Variants in ASXL1 observed in about 807,000 individuals in gnomAD.
The protein encoded by ASXL1 is ASXL transcriptional regulator 1, also known as polycomb group protein ASXL1.
A neutral mutation model predicts 89.1 loss-of-function variants in ASXL1; 65 were observed. That is an observed-to-expected ratio of 0.73 (90% CI 0.60 to 0.90). ASXL1 has a LOEUF of 0.90. ASXL1 is among the 40% of genes least tolerant of loss of function. The pLI is 0.00. For synonymous variants in ASXL1, 739 were observed against 746.9 expected, an observed-to-expected ratio of 0.99 and a Z score of 0.17; for missense variants, 1,786 against 1,942.9, an observed-to-expected ratio of 0.92 and a Z score of 1.52.
At chr20:32,405,058 G>T (rs1478152630) in intron 4 of ASXL1, among the ~76,000 whole-genome samples, 1 of 152,024 alleles carries the variant, frequency 6.6e-6, no homozygotes, top group East Asian at 1.9e-4. Flanking sequence ...CTTTCATAAA[G>T]TTCTAAGTAC....
chr20:32,410,729 A>C (rs1241784410), intron 4 of ASXL1, among the ~76,000 whole-genome samples: 2 of 151,992 alleles, frequency 1.3e-5, no homozygotes, highest in African/African-American at 4.8e-5. Flanking sequence ...TTCCTACCTA[A>C]AACAGTTAGT....
At chr20:32,420,923 CG>C (rs1220280107) in intron 4 of ASXL1, among the ~76,000 whole-genome samples, 1 of 152,068 alleles carries the variant, frequency 6.6e-6, no homozygotes, top group African/African-American at 2.4e-5. Flanking sequence ...TTTGCAGGGA[CG>C]TGGATGAAGC....
chr20:32,367,959 G>A (rs139221635), intron 3 of ASXL1, among the ~76,000 whole-genome samples: 2 of 152,210 alleles, frequency 1.3e-5, no homozygotes, highest in African/African-American at 4.8e-5. Flanking sequence ...TTTTGCATAG[G>A]GTTTCTTTTA....
intron 1 of ASXL1, chr20:32,359,043 G>C: frequency 3.3e-6 from 2 of 599,184 alleles, no homozygotes; most frequent in East Asian, 5.7e-5. Flanking sequence ...TCGCCCTCGC[G>C]CCCCCCCCGC....
rs750058388 is a variant in ASXL1, at chr20:32,433,398, C to T, written c.1200C>T (p.Ala400=). 106 of 1,614,196 alleles carry T rather than the reference C, an allele frequency of 6.6e-5. No homozygotes were observed. In the South Asian group the frequency reaches 8.7e-4, roughly 13 times the overall value. ...GESVRIQRGP[A]TRQRDGHFKK... ...CAGTGCGTATACAGCGTGGTCCAGC[C>T]ACCCGACAGCGAGATGGGCATTTTA... Residue 400 remains alanine, a synonymous_variant, in exon 12 of 13, where the codon GCC becomes GCT. Coordinates refer to ENST00000375687, the MANE Select transcript of ASXL1 (RefSeq NM_015338.6).
intron 4 of ASXL1, among the ~76,000 whole-genome samples, chr20:32,377,063 ATATAT>A (rs2048393375): frequency 7.0e-6 from 1 of 141,898 alleles, no homozygotes; most frequent in Non-Finnish European, 1.5e-5. Flanking sequence ...TATGTCTATT[ATATAT>A]TATATATAAT....
In ASXL1 at chr20:32,438,882, C is replaced by CT. The variant is rs1270035888; in HGVS notation, c.*1545dup. The CT allele has an allele frequency of 4.3e-6, 1 of 233,374 alleles. No individual in the cohort carries two copies. The highest frequency in any genetic ancestry group is 2.2e-5 in the African/African-American group (1 of 45,354). 14.5% of individuals were successfully genotyped at this position (233,374 alleles called of 1,614,324 possible). A position where few individuals can be genotyped will look rare whatever the true frequency, so the allele number is the denominator to read the frequency against. ...ACATGTTTCCAGCAAGTAGATGCCC[C>CT]TGTGTGTGTTTTCCCTTGCCTTGTT... On this transcript the variant is annotated 3_prime_UTR_variant, in exon 13 of 13. Transcript: ENST00000375687.
At chr20:32,383,979 CCTTCT>C (rs2048532891) in intron 4 of ASXL1, among the ~76,000 whole-genome samples, 1 of 152,224 alleles carries the variant, frequency 6.6e-6, no homozygotes, top group South Asian at 2.1e-4. Context: ...CCAGTACAGA[CCTTCT>C]GATACTCACG....
At position 32,433,360 on chromosome 20, in the gene ASXL1, G is replaced by A. The variant is rs145699348; in HGVS notation, c.1162G>A (p.Val388Ile). Reference protein sequence around the residue: ...EEAEIKSGLCVPGESVRIQRG... With the variant: ...EEAEIKSGLCIPGESVRIQRG... ...GGCTGAAATCAAAAGTGGCTTGTGT[G>A]TCCCAGGAGAATCAGTGCGTATACA... The change falls in exon 12 of 13, where the codon GTC becomes ATC. Residue 388 changes from valine (V) to isoleucine (I), a missense_variant. Val to Ile is a conservative substitution (Grantham distance 29). Coordinates refer to ENST00000375687, the MANE Select transcript of ASXL1 (RefSeq NM_015338.6). 1.1e-4 allele frequency: 179 copies of A among 1,614,066 alleles called. 1 individual carries two copies. The highest frequency in any genetic ancestry group is 1.6e-4 in the Middle Eastern group (1 of 6,084).
At position 32,434,838 on chromosome 20, in the gene ASXL1, C is replaced by T. The variant is rs2145363646; in HGVS notation, c.2126C>T (p.Ala709Val). Reference sequence around the variant, plus strand: ...CCTCTAAATGGGGAGCATACCCAGGCCGGAACTGCCATGTCCAGAGCTAGG... The same window carrying T: ...CCTCTAAATGGGGAGCATACCCAGGTCGGAACTGCCATGTCCAGAGCTAGG... ...PYPLNGEHTQ[A>V]GTAMSRARRE... is the part of the protein sequence containing the mutation. Residue 709 changes from alanine to valine, a missense_variant, in exon 13 of 13, where the codon GCC becomes GTC. This residue lies in a region of ASXL1 where 1,418 missense variants were observed against 1,427.8 expected (regional missense o/e 0.99). Coordinates refer to ENST00000375687, the MANE Select transcript of ASXL1 (RefSeq NM_015338.6). 2 of 1,614,110 alleles carry T rather than the reference C, an allele frequency of 1.2e-6. No homozygotes were observed. Among genetic ancestry groups the T allele is most frequent in the East Asian group, 2.2e-5 (1 of 44,880 alleles).
At chr20:32,430,879 T>C (rs754779069) in intron 8 of ASXL1, 9 of 428,076 alleles carry the variant, frequency 2.1e-5, no homozygotes, top group Non-Finnish European at 3.1e-5. Flanking sequence ...TTAGTACATT[T>C]CTGCATGGAG....
At chr20:32,420,727 G>A (rs1023473794) in intron 4 of ASXL1, among the ~76,000 whole-genome samples, 5 of 151,772 alleles carry the variant, frequency 3.3e-5, no homozygotes, top group Non-Finnish European at 4.4e-5. Flanking sequence ...AAAGGAATAC[G>A]TACTCATCAT....
At chr20:32,378,077 C>T (rs921834630) in intron 4 of ASXL1, among the ~76,000 whole-genome samples, 1 of 147,108 alleles carries the variant, frequency 6.8e-6, no homozygotes, top group Non-Finnish European at 1.5e-5. Context: ...GCAACCTTAG[C>T]TTCCTGGGCT....
chr20:32,410,968 G>T (rs963282261), intron 4 of ASXL1, among the ~76,000 whole-genome samples: 1 of 144,746 alleles, frequency 6.9e-6, no homozygotes, highest in Admixed American at 7.1e-5. Flanking sequence ...GGAGATGGAG[G>T]TTGCAGTGAG....
rs2011300016 is a variant in ASXL1 at position 32,426,546 on chromosome 20, T to TTTTTTTTTTTTTTTTG, written c.253-1579_253-1578insTTTTTTTTTTTTGTTT. The stretch of plus-strand genomic sequence containing the variant: ...AAGATGTAGAAAACTGTTTTCTTTT[T>TTTTTTTTTTTTTTTTG]TTTCTTTCTTTTTTTTTTTTTTTTT... On this transcript the variant is annotated intron_variant, in intron 4 of 12. Transcript: ENST00000375687. Among the ~76,000 whole-genome samples, 2 of 89,134 alleles carry TTTTTTTTTTTTTTTTG rather than the reference T, an allele frequency of 2.2e-5. 1 individual carries two copies. The highest frequency in any genetic ancestry group is 5.0e-5 in the Non-Finnish European group (2 of 40,048). 58.5% of individuals were successfully genotyped at this position (89,134 alleles called of 152,430 possible). A position where few individuals can be genotyped will look rare whatever the true frequency, so the allele number is the denominator to read the frequency against.
intron 8 of ASXL1, chr20:32,430,521 G>A (rs1055861171): frequency 8.3e-6 from 2 of 240,776 alleles, no homozygotes; most frequent in Non-Finnish European, 1.6e-5. Flanking sequence ...AAATTCAGTA[G>A]TGCTATTATC....
At chr20:32,410,287 A>C (rs1311357035) in intron 4 of ASXL1, among the ~76,000 whole-genome samples, 1 of 152,098 alleles carries the variant, frequency 6.6e-6, no homozygotes, top group Non-Finnish European at 1.5e-5. Context: ...ACTTTTGATA[A>C]ATTTTATTTT....
intron 1 of ASXL1, among the ~76,000 whole-genome samples, chr20:32,361,633 C>CA (rs11475139): frequency 3.7e-4 from 38 of 102,290 alleles, no homozygotes; most frequent in Non-Finnish European, 5.9e-4. Context: ...AGACTCGTCT[C>CA]AAAAAAAAAA....
chr20:32,431,108 G>A (rs1242240206), intron 8 of ASXL1: 1 of 703,392 alleles, frequency 1.4e-6, no homozygotes, highest in Non-Finnish European at 2.6e-6. Context: ...AGTTTTGTCT[G>A]AGGAGATGCA....
Sources: allele counts gnomAD v4.1 joint callset (sites outside exome capture counted in the v4.1 genomes callset), GRCh38; gene constraint gnomAD v4.1.1; regional missense constraint gnomAD v4.1.1; transcripts MANE v1.5; gene names NCBI Gene and HGNC (gene_info 2026-07-23, HGNC 2026-07-21).